PTBP3: variants seen among roughly 807,000 people sequenced by gnomAD.
The protein encoded by PTBP3 is polypyrimidine tract-binding protein 3.
In PTBP3, 20 loss-of-function variants were observed where a neutral mutation model predicts 58.7. That is an observed-to-expected ratio of 0.34 (90% CI 0.24 to 0.50). The LOEUF is 0.50. Among genes scored for constraint, PTBP3 ranks in the 20% least tolerant of loss-of-function variants. The pLI is 0.98. For synonymous variants in PTBP3, 185 were observed against 219.8 expected, an observed-to-expected ratio of 0.84 and a Z score of 1.40; for missense variants, 509 against 637.2, an observed-to-expected ratio of 0.80 and a Z score of 2.17.
the PTBP3 span, among the ~76,000 whole-genome samples, chr9:112,374,539 T>C: frequency 4.6e-5 from 7 of 152,316 alleles, no homozygotes; most frequent in African/African-American, 1.7e-4. Context: ...CTGCAAAGTA[T>C]TGTCACCTAG....
rs1834836150 is a variant in PTBP3, at chr9:112,222,350, C to T, written c.*1501G>A. 2.0e-6 allele frequency: 2 copies of T among 984,488 alleles called. No individual in the cohort carries two copies. Among genetic ancestry groups the T allele is most frequent in the African/African-American group, 1.7e-5 (1 of 57,184 alleles). 61.0% of individuals were successfully genotyped at this position (984,488 alleles called of 1,614,324 possible). A position where few individuals can be genotyped will look rare whatever the true frequency, so the allele number is the denominator to read the frequency against. Reference sequence around the variant, plus strand: ...GAGAGGGACAGAGTATGAGAAATAACCCACCTTCTCATACTCCAAATACGT... The same window carrying T: ...GAGAGGGACAGAGTATGAGAAATAATCCACCTTCTCATACTCCAAATACGT... On this transcript the variant is annotated 3_prime_UTR_variant, in exon 14 of 14. Transcript: ENST00000374257.
chr9:112,318,182 T>C (rs1053342258), intron 1 of PTBP3, among the ~76,000 whole-genome samples: 30 of 151,766 alleles, frequency 2.0e-4, no homozygotes, highest in Non-Finnish European at 3.1e-4. Context: ...CAAAGATACA[T>C]AGAAGTCAGA....
At chr9:112,330,476 T>C (rs1031527648) in intron 1 of PTBP3, 7 of 1,524,738 alleles carry the variant, frequency 4.6e-6, no homozygotes, top group Non-Finnish European at 6.3e-6. Context: ...GTAACAACAC[T>C]GTATGGAAAA....
At chr9:112,329,239 C>T (rs1172504804) in intron 1 of PTBP3, among the ~76,000 whole-genome samples, 1 of 152,016 alleles carries the variant, frequency 6.6e-6, no homozygotes, top group African/African-American at 2.4e-5. Context: ...GTCGAAACCC[C>T]GTCTCTATTA....
chr9:112,335,726 C>T (rs1830572607), upstream of PTBP3, among the ~76,000 whole-genome samples: 1 of 146,198 alleles, frequency 6.8e-6, no homozygotes, highest in Admixed American at 6.7e-5. Context: ...AGTTCGAAGC[C>T]AGCCTGGCCA....
At chr9:112,375,661 T>A in the PTBP3 span, among the ~76,000 whole-genome samples, 1 of 152,120 alleles carries the variant, frequency 6.6e-6, no homozygotes, top group Non-Finnish European at 1.5e-5. Flanking sequence ...CACTTCCTCA[T>A]GTAACTTATT....
At chr9:112,273,109 C>T (rs1226974017) in intron 3 of PTBP3, among the ~76,000 whole-genome samples, 1 of 152,180 alleles carries the variant, frequency 6.6e-6, no homozygotes, top group African/African-American at 2.4e-5. Flanking sequence ...TCCAAATGAA[C>T]TACCAATGCT....
intron 2 of PTBP3, among the ~76,000 whole-genome samples, chr9:112,294,733 C>T (rs1828594782): frequency 6.6e-6 from 1 of 152,058 alleles, no homozygotes. Context: ...GAAGACACAT[C>T]ATTGAATAAT....
intron 1 of PTBP3, chr9:112,298,621 T>C: frequency 3.2e-5 from 15 of 466,650 alleles, no homozygotes; most frequent in South Asian, 2.5e-4. Context: ...AATAGTACTA[T>C]TGGTTTACCT....
chr9:112,302,630 C>T (rs2132337447), intron 1 of PTBP3, among the ~76,000 whole-genome samples: 1 of 135,446 alleles, frequency 7.4e-6, no homozygotes, highest in African/African-American at 2.7e-5. Flanking sequence ...GCTCTGTCAC[C>T]CAGGCTGGAG....
chr9:112,331,215 AG>A (rs1318670969), intron 1 of PTBP3, among the ~76,000 whole-genome samples: 1 of 152,098 alleles, frequency 6.6e-6, no homozygotes, highest in African/African-American at 2.4e-5. Context: ...ATAAGGAAAA[AG>A]GATCTTTTTC....
intron 1 of PTBP3, among the ~76,000 whole-genome samples, chr9:112,311,617 T>TG (rs1275335074): frequency 6.6e-6 from 1 of 152,106 alleles, no homozygotes; most frequent in Non-Finnish European, 1.5e-5. Flanking sequence ...GCATGGATTT[T>TG]GGCCCCCCCT....
intron 1 of PTBP3, chr9:112,332,674 A>T: frequency 7.6e-7 from 1 of 1,312,568 alleles, no homozygotes; most frequent in South Asian, 1.7e-5. Context: ...CCCAGAGAAC[A>T]GTTTATATAC....
At chr9:112,279,511 A>G (rs1827766686) in intron 2 of PTBP3, among the ~76,000 whole-genome samples, 2 of 152,248 alleles carry the variant, frequency 1.3e-5, no homozygotes, top group East Asian at 1.9e-4. Context: ...TTTAGATAGA[A>G]TAAGACATCC....
At chr9:112,327,047 C>T (rs1276283121) in intron 1 of PTBP3, among the ~76,000 whole-genome samples, 1 of 151,456 alleles carries the variant, frequency 6.6e-6, no homozygotes, top group African/African-American at 2.4e-5. Flanking sequence ...GTGAGGCCTT[C>T]GTCTCTACAA....
chr9:112,231,506 T>A, intron 9 of PTBP3, 93 bp from the exon 10 acceptor site: 1 of 1,073,942 alleles, frequency 9.3e-7, no homozygotes, highest in Non-Finnish European at 1.3e-6. Flanking sequence ...GATTTTATTT[T>A]AAAGCATGGT....
intron 5 of PTBP3, among the ~76,000 whole-genome samples, chr9:112,258,332 T>A (rs1836457984): frequency 6.6e-6 from 1 of 152,184 alleles, no homozygotes; most frequent in South Asian, 2.1e-4. Context: ...ATGAATTCTA[T>A]CTACAAATAC....
intron 3 of PTBP3, among the ~76,000 whole-genome samples, chr9:112,268,595 G>A (rs1482525308): frequency 1.3e-5 from 2 of 151,586 alleles, no homozygotes; most frequent in African/African-American, 2.4e-5. Flanking sequence ...ACTTGGGGTG[G>A]GGGGGTGAGG....
At chr9:112,261,494 A>G (rs1475325983) in intron 5 of PTBP3, among the ~76,000 whole-genome samples, 1 of 152,166 alleles carries the variant, frequency 6.6e-6, no homozygotes, top group Non-Finnish European at 1.5e-5. Flanking sequence ...ATATACAAGC[A>G]CACACACACC....
Sources: gnomAD v4.1 joint callset for allele counts (sites outside exome capture counted in the v4.1 genomes callset) on GRCh38, gnomAD v4.1.1 for gene constraint, MANE v1.5 for transcripts, NCBI Gene and HGNC (gene_info 2026-07-23, HGNC 2026-07-21) for gene names.